The following ABHD18 variants were observed in gnomAD, a reference collection of about 807,000 sequenced individuals.
The protein encoded by ABHD18 is abhydrolase domain containing 18.
A neutral mutation model predicts 65.9 loss-of-function variants in ABHD18; 55 were observed. The ratio of observed to expected loss-of-function variants is 0.84; its 90% CI spans 0.67 to 1.05. The LOEUF (loss-of-function observed/expected upper bound fraction) is 1.05. Ranked by LOEUF, ABHD18 falls within the 50% of genes least tolerant of loss-of-function variation. ABHD18 has a pLI of 0.00. For missense variants in ABHD18, 533 were observed against 558.5 expected (o/e 0.95, Z 0.46); for synonymous variants, 181 against 180.2 (o/e 1.00, Z -0.04).
In ABHD18 at chr4:128,028,711, C is replaced by G; in HGVS notation, c.1038C>G (p.Thr346=). The G allele has an allele frequency of 6.2e-7, 1 of 1,613,894 alleles. No individual in the cohort carries two copies. Among genetic ancestry groups the G allele is most frequent in the Non-Finnish European group, 8.5e-7 (1 of 1,179,860 alleles). The change falls in exon 11 of 13, where the codon ACC becomes ACG. Residue 346 remains threonine (T), a synonymous_variant. Transcript: ENST00000645843. The part of the protein sequence containing the change: ...KMKRFNQTLS[T]NKSGYTSRNP... ...AGCGCTTCAATCAAACACTTTCAACCAACAAAAGTGGTTATACAAGTCGCA... is the reference window on the plus strand; with the variant it reads ...AGCGCTTCAATCAAACACTTTCAACGAACAAAAGTGGTTATACAAGTCGCA...
At chr4:127,999,172 T>C (rs1752263973) in intron 4 of ABHD18, among the ~76,000 whole-genome samples, 1 of 152,098 alleles carries the variant, frequency 6.6e-6, no homozygotes, top group Non-Finnish European at 1.5e-5. Flanking sequence ...GAATCCCAGC[T>C]ACTAAGGGGG....
intron 12 of ABHD18, among the ~76,000 whole-genome samples, chr4:128,034,211 C>A (rs1344236169): frequency 6.6e-6 from 1 of 152,012 alleles, no homozygotes; most frequent in African/African-American, 2.4e-5. Flanking sequence ...CCCTCCTTGG[C>A]CTTCCAAAGT....
chr4:128,021,369 A>G (rs1228204178), intron 10 of ABHD18, 131 bp downstream of exon 10: 1 of 588,434 alleles, frequency 1.7e-6, no homozygotes, highest in Non-Finnish European at 2.9e-6. Context: ...ACTTTAAAAG[A>G]TTTTTCATTT....
At chr4:128,013,064 CAAA>C (rs1199459823) in intron 7 of ABHD18, among the ~76,000 whole-genome samples, 1 of 60,476 alleles carries the variant, frequency 1.7e-5, no homozygotes, top group African/African-American at 6.4e-5. Flanking sequence ...GACTCCATCC[CAAA>C]AAAAAAAAAA....
At chr4:128,023,292 G>T (rs79601723) in intron 10 of ABHD18, among the ~76,000 whole-genome samples, 2 of 151,158 alleles carry the variant, frequency 1.3e-5, no homozygotes, top group African/African-American at 2.4e-5. Context: ...GGGACCAGGC[G>T]TGGTGGCACA....
intron 10 of ABHD18, among the ~76,000 whole-genome samples, chr4:128,027,647 G>A (rs954113199): frequency 2.0e-5 from 3 of 151,814 alleles, no homozygotes; most frequent in Admixed American, 6.6e-5. Context: ...CTCGTGATCC[G>A]CCTGCTTCAG....
chr4:127,974,812 C>T (rs912309954), intron 1 of ABHD18, among the ~76,000 whole-genome samples: 12 of 151,506 alleles, frequency 7.9e-5, no homozygotes, highest in East Asian at 5.9e-4. Context: ...CTGGCCAACA[C>T]GGTGAAACCC....
At chr4:127,976,396 C>CA (rs1206673457) in intron 1 of ABHD18, among the ~76,000 whole-genome samples, 1 of 152,030 alleles carries the variant, frequency 6.6e-6, no homozygotes, top group Non-Finnish European at 1.5e-5. Context: ...TTATACATTA[C>CA]AAAAAATTAT....
intron 9 of ABHD18, among the ~76,000 whole-genome samples, chr4:128,020,621 T>A (rs912929296): frequency 2.6e-5 from 4 of 152,242 alleles, no homozygotes; most frequent in African/African-American, 9.6e-5. Context: ...ATATAAGCAG[T>A]TTAGGTACAG....
At chr4:128,024,206 G>T (rs1756993370) in intron 10 of ABHD18, among the ~76,000 whole-genome samples, 1 of 152,212 alleles carries the variant, frequency 6.6e-6, no homozygotes, top group African/African-American at 2.4e-5. Flanking sequence ...GGGCAAGAGA[G>T]AATGTGTGTG....
intron 7 of ABHD18, among the ~76,000 whole-genome samples, chr4:128,016,144 G>A (rs926975581): frequency 2.0e-5 from 3 of 151,732 alleles, no homozygotes; most frequent in Admixed American, 6.6e-5. Flanking sequence ...AGTAGAGACA[G>A]GGTTTTATCC....
intron 7 of ABHD18, among the ~76,000 whole-genome samples, chr4:128,015,880 GTAA>G (rs1263703513): frequency 2.7e-5 from 4 of 150,938 alleles, no homozygotes; most frequent in African/African-American, 9.7e-5. Flanking sequence ...GGTCATTTTA[GTAA>G]TAATATATAT....
At chr4:127,973,874 C>CA (rs1336147264) in intron 1 of ABHD18, among the ~76,000 whole-genome samples, 7 of 123,746 alleles carry the variant, frequency 5.7e-5, no homozygotes, top group African/African-American at 9.2e-5. Context: ...CAGCCACACA[C>CA]AAAAAAAATG....
chr4:128,011,740 C>T (rs1225245579), intron 7 of ABHD18, 40 bp downstream of exon 7: 4 of 1,481,020 alleles, frequency 2.7e-6, no homozygotes, highest in Admixed American at 4.6e-5. Flanking sequence ...TCTTTTTACC[C>T]AATATCCAGC....
chr4:127,974,371 CTG>C (rs1747490841), intron 1 of ABHD18, among the ~76,000 whole-genome samples: 1 of 151,106 alleles, frequency 6.6e-6, no homozygotes, highest in Non-Finnish European at 1.5e-5. Context: ...CTGCACCCAA[CTG>C]TATTATTTTT....
chr4:127,985,835 C>T (rs1749843275), intron 3 of ABHD18, among the ~76,000 whole-genome samples: 1 of 151,172 alleles, frequency 6.6e-6, no homozygotes, highest in Non-Finnish European at 1.5e-5. Flanking sequence ...AACCCCATCT[C>T]TACTAAAAAA....
chr4:127,995,855 GA>G (rs777963878), intron 4 of ABHD18, among the ~76,000 whole-genome samples: 4 of 151,788 alleles, frequency 2.6e-5, no homozygotes, highest in Admixed American at 6.6e-5. Context: ...TTCTAAAAAG[GA>G]AAAAAAATTG....
intron 10 of ABHD18, among the ~76,000 whole-genome samples, chr4:128,023,842 C>T (rs2149175269): frequency 6.6e-6 from 1 of 152,274 alleles, no homozygotes; most frequent in African/African-American, 2.4e-5. Context: ...CAAGATCACG[C>T]CACTGCACGC....
At chr4:127,981,986 A>G (rs17012836) in intron 1 of ABHD18, among the ~76,000 whole-genome samples, 4,605 of 152,236 alleles carry the variant, frequency 0.03, 300 homozygotes, top group East Asian at 0.27. Flanking sequence ...TGCCAGCCCA[A>G]TTGATGGTGG....
Sources: allele counts gnomAD v4.1 joint callset (sites outside exome capture counted in the v4.1 genomes callset), GRCh38; gene constraint gnomAD v4.1.1; transcripts MANE v1.5; gene names NCBI Gene and HGNC (gene_info 2026-07-23, HGNC 2026-07-21).